The following ARHGAP15 variants were observed in gnomAD, a reference collection of about 807,000 sequenced individuals.
ARHGAP15 encodes Rho GTPase activating protein 15.
ARHGAP15 carries 51 observed loss-of-function variants against 63.7 expected under a neutral mutation model. That is an observed-to-expected ratio of 0.80 (90% CI 0.64 to 1.01). The LOEUF (loss-of-function observed/expected upper bound fraction) is 1.01. Among genes scored for constraint, ARHGAP15 ranks in the 50% least tolerant of loss-of-function variants. ARHGAP15 has a pLI of 0.00. For missense variants in ARHGAP15, 560 were observed against 564.6 expected (o/e 0.99, Z 0.08); for synonymous variants, 191 against 193.8 (o/e 0.99, Z 0.12).
intron 12 of ARHGAP15, among the ~76,000 whole-genome samples, chr2:143,679,099 A>G (rs1218509444): frequency 6.6e-6 from 1 of 151,874 alleles, no homozygotes; most frequent in East Asian, 1.9e-4. Context: ...CATAAATGCT[A>G]TCAGAATAGG....
At chr2:143,383,451 T>C (rs1687140831) in intron 6 of ARHGAP15, among the ~76,000 whole-genome samples, 1 of 152,170 alleles carries the variant, frequency 6.6e-6, no homozygotes. Flanking sequence ...AGAATTATAT[T>C]TACAAATCCT....
intron 12 of ARHGAP15, among the ~76,000 whole-genome samples, chr2:143,675,341 A>G (rs1370534718): frequency 2.6e-5 from 4 of 152,080 alleles, no homozygotes; most frequent in African/African-American, 9.7e-5. Flanking sequence ...ACCTCTTCCA[A>G]GCTCCTGTTA....
chr2:143,430,444 T>C (rs1173560548), intron 6 of ARHGAP15, among the ~76,000 whole-genome samples: 1 of 152,072 alleles, frequency 6.6e-6, no homozygotes, highest in Non-Finnish European at 1.5e-5. Flanking sequence ...TTGGTGGTCA[T>C]AAACACCTTT....
At chr2:143,325,715 A>G (rs1230978965) in intron 6 of ARHGAP15, among the ~76,000 whole-genome samples, 1 of 152,148 alleles carries the variant, frequency 6.6e-6, no homozygotes, top group Non-Finnish European at 1.5e-5. Flanking sequence ...TATACTTCAG[A>G]AAAAATCACT....
chr2:143,249,438 T>A (rs576555634), intron 5 of ARHGAP15, among the ~76,000 whole-genome samples: 1 of 152,260 alleles, frequency 6.6e-6, no homozygotes, highest in South Asian at 2.1e-4. Context: ...TTTACCATTC[T>A]TTCATAATTT....
chr2:143,322,889 T>A (rs1314440033), intron 6 of ARHGAP15, among the ~76,000 whole-genome samples: 1 of 152,248 alleles, frequency 6.6e-6, no homozygotes, highest in African/African-American at 2.4e-5. Context: ...TGCAATGATA[T>A]GAACTTAATT....
Position 143,153,827 on chromosome 2 carries a change from CTTCTTCT to C in ARHGAP15, c.-14-1648_-14-1642del, listed in dbSNP as rs1558779350. Among the ~76,000 whole-genome samples, 141 of 90,334 alleles carry C rather than the reference CTTCTTCT, an allele frequency of 1.6e-3. 1 individual carries two copies. Among genetic ancestry groups the C allele is most frequent in the South Asian group, 5.5e-3 (11 of 2,008 alleles). 59.3% of individuals were successfully genotyped at this position (90,334 alleles called of 152,430 possible). A position where few individuals can be genotyped will look rare whatever the true frequency, so the allele number is the denominator to read the frequency against. On this transcript the variant is annotated intron_variant, in intron 1 of 13. Coordinates refer to ENST00000295095, the MANE Select transcript of ARHGAP15 (RefSeq NM_018460.4). ...TCTTCTTCTTCTTCTTCTTCTTCTT[CTTCTTCT>C]TCTTCTTCTTCCTCCTCCTCCTCCT...
intron 10 of ARHGAP15, among the ~76,000 whole-genome samples, chr2:143,549,792 A>G (rs1403048543): frequency 1.3e-5 from 2 of 152,188 alleles, no homozygotes; most frequent in Non-Finnish European, 2.9e-5. Context: ...TCTATATCCC[A>G]AGTTAAGTCT....
At chr2:143,266,577 T>C (rs1296045375) in intron 6 of ARHGAP15, among the ~76,000 whole-genome samples, 1 of 152,206 alleles carries the variant, frequency 6.6e-6, no homozygotes, top group Non-Finnish European at 1.5e-5. Context: ...TCACTTAGCA[T>C]ATTTAAGTTT....
chr2:143,513,030 T>C (rs762145798), intron 9 of ARHGAP15, among the ~76,000 whole-genome samples: 3 of 152,226 alleles, frequency 2.0e-5, no homozygotes, highest in Non-Finnish European at 4.4e-5. Flanking sequence ...ACCTTTGATG[T>C]AACCAAGTTC....
intron 6 of ARHGAP15, among the ~76,000 whole-genome samples, chr2:143,327,122 TAGAG>T (rs1325542038): frequency 6.6e-6 from 1 of 151,832 alleles, no homozygotes; most frequent in Non-Finnish European, 1.5e-5. Flanking sequence ...ACACCAATAA[TAGAG>T]AGCTAAATCA....
chr2:143,363,768 C>T (rs756934094), intron 6 of ARHGAP15, among the ~76,000 whole-genome samples: 8 of 152,144 alleles, frequency 5.3e-5, no homozygotes, highest in Non-Finnish European at 1.2e-4. Context: ...TTATCGTCTC[C>T]AAACTCACCA....
chr2:143,239,056 CA>C (rs912210829), intron 5 of ARHGAP15, among the ~76,000 whole-genome samples: 3 of 152,036 alleles, frequency 2.0e-5, no homozygotes, highest in African/African-American at 7.2e-5. Context: ...GGGACAGCAT[CA>C]GGAAGAATAG....
chr2:143,307,073 A>T (rs942573530), intron 6 of ARHGAP15, among the ~76,000 whole-genome samples: 10 of 152,128 alleles, frequency 6.6e-5, no homozygotes, highest in African/African-American at 2.2e-4. Context: ...TGAGGTCCCA[A>T]GTCCCATACA....
chr2:143,358,903 G>T (rs1021212816), intron 6 of ARHGAP15, among the ~76,000 whole-genome samples: 1 of 150,980 alleles, frequency 6.6e-6, no homozygotes, highest in African/African-American at 2.4e-5. Context: ...AAAAGGGATA[G>T]TAAGTACCAT....
intron 6 of ARHGAP15, among the ~76,000 whole-genome samples, chr2:143,304,255 C>T (rs954936225): frequency 6.6e-6 from 1 of 152,092 alleles, no homozygotes; most frequent in Non-Finnish European, 1.5e-5. Context: ...ACATATACAC[C>T]ATGGAATACT....
At chr2:143,198,459 A>C (rs1404379974) in intron 2 of ARHGAP15, among the ~76,000 whole-genome samples, 1 of 151,928 alleles carries the variant, frequency 6.6e-6, no homozygotes, top group Non-Finnish European at 1.5e-5. Context: ...TAATTATATT[A>C]TTTAAACTTA....
intron 5 of ARHGAP15, among the ~76,000 whole-genome samples, chr2:143,239,660 G>A (rs1000886049): frequency 6.6e-6 from 1 of 152,010 alleles, no homozygotes; most frequent in East Asian, 1.9e-4. Flanking sequence ...TTTCAGCCTG[G>A]CCCACATATC....
At chr2:143,220,568 G>A (rs926504792) in intron 4 of ARHGAP15, among the ~76,000 whole-genome samples, 16 of 152,002 alleles carry the variant, frequency 1.1e-4, no homozygotes, top group Non-Finnish European at 2.2e-4. Flanking sequence ...CAAATCACAC[G>A]ACCATTTTAA....
Sources: gnomAD v4.1 joint callset for allele counts (sites outside exome capture counted in the v4.1 genomes callset) on GRCh38, gnomAD v4.1.1 for gene constraint, MANE v1.5 for transcripts, NCBI Gene and HGNC (gene_info 2026-07-23, HGNC 2026-07-21) for gene names.